The following PRDM10 variants were observed in gnomAD, a reference collection of about 807,000 sequenced individuals.
PRDM10 encodes PR domain zinc finger protein 10.
PRDM10 carries 65 observed loss-of-function variants against 133.1 expected under a neutral mutation model. The ratio of observed to expected loss-of-function variants is 0.49; its 90% CI spans 0.40 to 0.60. The LOEUF is 0.60. PRDM10 is among the 20% of genes least tolerant of loss of function. The probability of loss-of-function intolerance (pLI) is 0.00; values close to 1 mark genes in which losing one functional copy is unlikely to be tolerated. For missense variants in PRDM10, 1,137 were observed against 1,507.1 expected (o/e 0.75, Z 4.07); for synonymous variants, 582 against 580.4 (o/e 1.00, Z -0.04).
chr11:129,963,481 A>G (rs766409257), intron 1 of PRDM10, among the ~76,000 whole-genome samples: 2 of 149,816 alleles, frequency 1.3e-5, no homozygotes, highest in South Asian at 4.2e-4. Context: ...CATGTAGGAA[A>G]CTTTTTTTTT....
At position 129,910,661 on chromosome 11, in the gene PRDM10, G is replaced by A. The variant is rs1198981744; in HGVS notation, c.2983-5C>T. The stretch of plus-strand genomic sequence containing the variant: ...ACTCAACGGCTGCCCAGATACCTGG[G>A]GAGAAAGAGAAAGCAATGGTAGGGA... On this transcript the variant is annotated splice_polypyrimidine_tract_variant and splice_region_variant and intron_variant, in intron 18 of 20. Coordinates refer to ENST00000360871, the MANE Select transcript of PRDM10 (RefSeq NM_199437.2). 1.3e-6 allele frequency: 2 copies of A among 1,548,346 alleles called. No homozygotes were observed. The highest frequency in any genetic ancestry group is 4.6e-5 in the East Asian group (2 of 43,938).
At chr11:129,930,770 A>G (rs1185484550) in intron 11 of PRDM10, among the ~76,000 whole-genome samples, 6 of 152,168 alleles carry the variant, frequency 3.9e-5, no homozygotes, top group Non-Finnish European at 8.8e-5. Flanking sequence ...GGAGCTGCCA[A>G]CCTCTAGGCC....
chr11:129,916,701 T>C (rs550176340), intron 15 of PRDM10, among the ~76,000 whole-genome samples: 1 of 152,174 alleles, frequency 6.6e-6, no homozygotes, highest in Admixed American at 6.5e-5. Context: ...TGTAACTACA[T>C]GAAAATAATG....
At chr11:129,911,004 G>A (rs1282092290) in intron 18 of PRDM10, among the ~76,000 whole-genome samples, 2 of 152,154 alleles carry the variant, frequency 1.3e-5, no homozygotes, top group Admixed American at 1.3e-4. Context: ...TCGAACTCCC[G>A]ACCTCAGGTG....
chr11:129,935,021 C>G, intron 9 of PRDM10, 80 bp downstream of exon 9: 1 of 1,234,654 alleles, frequency 8.1e-7, no homozygotes, highest in Non-Finnish European at 1.2e-6. Context: ...CTCGGAGACA[C>G]TCATTAGCTA....
chr11:129,942,608 T>C lies in PRDM10; in HGVS notation c.784A>G (p.Arg262Gly), dbSNP rs776653636. 2.0e-5 allele frequency: 33 copies of C among 1,613,798 alleles called. No individual in the cohort carries two copies. The highest frequency in any genetic ancestry group is 2.8e-5 in the Non-Finnish European group (33 of 1,179,948). Reference protein sequence around the residue: ...HLKVSLDKGDRKERDLHEDLW... With the variant: ...HLKVSLDKGDGKERDLHEDLW... ...TCTTCATGTAAATCCCTTTCTTTCC[T>C]GTCCCCTTTATCAAGAGAAACCTGC... The change falls in exon 7 of 21, where the codon AGG becomes GGG. Residue 262 changes from arginine to glycine, a missense_variant. By Grantham distance (125) the Arg-to-Gly change is moderately radical. Coordinates refer to ENST00000360871, the MANE Select transcript of PRDM10 (RefSeq NM_199437.2).
At chr11:129,920,564 G>A (rs1632763) in intron 13 of PRDM10, among the ~76,000 whole-genome samples, 4 of 151,922 alleles carry the variant, frequency 2.6e-5, no homozygotes, top group Non-Finnish European at 4.4e-5. Flanking sequence ...CAGCGCGCTA[G>A]CTTAACCCGC....
Position 129,910,669 on chromosome 11 carries a change from A to G in PRDM10, c.2983-13T>C. The G allele has an allele frequency of 1.3e-6, 2 of 1,539,732 alleles. No homozygotes were observed. The highest frequency in any genetic ancestry group is 1.7e-6 in the Non-Finnish European group (2 of 1,142,876). ...GCTGCCCAGATACCTGGGGAGAAAGAGAAAGCAATGGTAGGGAATTACGAG... is the reference window on the plus strand; with the variant it reads ...GCTGCCCAGATACCTGGGGAGAAAGGGAAAGCAATGGTAGGGAATTACGAG... On this transcript the variant is annotated splice_polypyrimidine_tract_variant and intron_variant, in intron 18 of 20. Transcript: ENST00000360871.
intron 1 of PRDM10, among the ~76,000 whole-genome samples, chr11:129,984,840 C>T (rs1366717239): frequency 6.6e-6 from 1 of 152,212 alleles, no homozygotes; most frequent in African/African-American, 2.4e-5. Context: ...GTGGCAACAG[C>T]CATCTCCTCT....
chr11:129,981,500 TTTAAC>T (rs1172308021), intron 1 of PRDM10, among the ~76,000 whole-genome samples: 2 of 152,340 alleles, frequency 1.3e-5, no homozygotes, highest in South Asian at 2.1e-4. Flanking sequence ...AGAAATATAC[TTTAAC>T]TTAACAGTAT....
intron 17 of PRDM10, 94 bp from the exon 18 acceptor site, chr11:129,912,319 T>C: frequency 2.3e-6 from 3 of 1,310,870 alleles, no homozygotes; most frequent in Non-Finnish European, 3.0e-6. Context: ...AAAAACAATA[T>C]CCTGGCCGGG....
chr11:129,996,667 A>C (rs1939080091), intron 1 of PRDM10, among the ~76,000 whole-genome samples: 1 of 152,208 alleles, frequency 6.6e-6, no homozygotes, highest in Admixed American at 6.5e-5. Flanking sequence ...GAGAGCAGAG[A>C]GGAAGAAACA....
At chr11:129,995,470 C>T (rs1455312186) in intron 1 of PRDM10, among the ~76,000 whole-genome samples, 1 of 152,064 alleles carries the variant, frequency 6.6e-6, no homozygotes, top group Non-Finnish European at 1.5e-5. Context: ...AAACAAAGAG[C>T]AATAATTAGT....
intron 13 of PRDM10, among the ~76,000 whole-genome samples, chr11:129,919,381 G>A (rs113230379): frequency 2.6e-5 from 4 of 152,262 alleles, no homozygotes; most frequent in African/African-American, 9.6e-5. Context: ...AAAATGCCAT[G>A]TGTATACTCA....
intron 20 of PRDM10, among the ~76,000 whole-genome samples, chr11:129,904,833 C>CT (rs1254911679): frequency 1.3e-5 from 2 of 152,032 alleles, no homozygotes; most frequent in Admixed American, 1.3e-4. Context: ...TGTATGTACT[C>CT]TGTCTTCTAA....
intron 1 of PRDM10, among the ~76,000 whole-genome samples, chr11:129,980,925 G>A (rs1476319715): frequency 7.4e-6 from 1 of 135,920 alleles, no homozygotes; most frequent in African/African-American, 2.8e-5. Flanking sequence ...AGGCTGAAGT[G>A]CAGTGGCACG....
rs1949859717 is a variant in PRDM10, at chr11:129,902,188, A to G, written c.*125T>C. On this transcript the variant is annotated 3_prime_UTR_variant, in exon 21 of 21. Coordinates refer to ENST00000360871, the MANE Select transcript of PRDM10 (RefSeq NM_199437.2). ...AAACCCCAGTGTATGGATGAGAGAC[A>G]AAACTGTGGTTTCCGAACTCTTGAG... 3 of 1,348,502 alleles carry G rather than the reference A, an allele frequency of 2.2e-6. No individual in the cohort carries two copies. In the South Asian group the frequency reaches 4.3e-5, roughly 19 times the overall value. The allele number at this position is 1,348,502 out of a possible 1,614,324, so 83.5% of individuals were successfully genotyped here. A position where few individuals can be genotyped will look rare whatever the true frequency, so the allele number is the denominator to read the frequency against.
At chr11:129,933,908 T>C (rs1950947292) in intron 9 of PRDM10, among the ~76,000 whole-genome samples, 1 of 152,136 alleles carries the variant, frequency 6.6e-6, no homozygotes, top group African/African-American at 2.4e-5. Flanking sequence ...CTACCCTGGC[T>C]CTGTAGTTTA....
chr11:129,914,115 C>T (rs1371350313), intron 17 of PRDM10, among the ~76,000 whole-genome samples: 2 of 152,162 alleles, frequency 1.3e-5, no homozygotes, highest in African/African-American at 4.8e-5. Flanking sequence ...AATTCTCCTG[C>T]CCCAGCTTCC....
Sources: gnomAD v4.1 joint callset for allele counts (sites outside exome capture counted in the v4.1 genomes callset) on GRCh38, gnomAD v4.1.1 for gene constraint, MANE v1.5 for transcripts, NCBI Gene and HGNC (gene_info 2026-07-23, HGNC 2026-07-21) for gene names.